CLVS1: variants seen among roughly 807,000 people sequenced by gnomAD.
The protein encoded by CLVS1 is clavesin-1.
Under a neutral mutation model 33.1 loss-of-function variants are expected in CLVS1, and 10 were observed. That is an observed-to-expected ratio of 0.30 (90% confidence interval 0.19 to 0.51). The LOEUF (loss-of-function observed/expected upper bound fraction) is 0.51. Among genes scored for constraint, CLVS1 ranks in the 20% least tolerant of loss-of-function variants. The pLI is 0.97. For missense variants in CLVS1, 343 were observed against 433.4 expected, an observed-to-expected ratio of 0.79 and a Z score of 1.85; for synonymous variants, 163 against 166.1, an observed-to-expected ratio of 0.98 and a Z score of 0.14.
chr8:61,276,989 T>A (rs1194249499), intron 2 of CLVS1, among the ~76,000 whole-genome samples: 1 of 152,210 alleles, frequency 6.6e-6, no homozygotes, highest in Non-Finnish European at 1.5e-5. Context: ...TAACACCTCT[T>A]GATGTTTAGG....
At chr8:61,388,645 CTT>C (rs1814179975) in intron 3 of CLVS1, among the ~76,000 whole-genome samples, 3 of 151,738 alleles carry the variant, frequency 2.0e-5, no homozygotes, top group Admixed American at 2.0e-4. Context: ...TATTTTTTAA[CTT>C]GACACATAGT....
intron 2 of CLVS1, among the ~76,000 whole-genome samples, chr8:61,138,582 C>T (rs186117852): frequency 1.9e-4 from 24 of 128,090 alleles, no homozygotes; most frequent in Admixed American, 9.3e-4. Flanking sequence ...GAAGGGGAGA[C>T]GGGGGGCAGG....
chr8:61,362,836 A>C (rs932361943), intron 2 of CLVS1, among the ~76,000 whole-genome samples: 1 of 152,214 alleles, frequency 6.6e-6, no homozygotes, highest in Non-Finnish European at 1.5e-5. Flanking sequence ...TGCTGCAGTC[A>C]GCAATTACTT....
chr8:61,066,832 A>C (rs1804690691), intron 1 of CLVS1, among the ~76,000 whole-genome samples: 1 of 152,250 alleles, frequency 6.6e-6, no homozygotes, highest in Non-Finnish European at 1.5e-5. Context: ...TTCCTGCCAA[A>C]TTAGCCAGAA....
intron 3 of CLVS1, among the ~76,000 whole-genome samples, chr8:61,407,960 G>C (rs146737300): frequency 2.0e-5 from 3 of 152,120 alleles, no homozygotes; most frequent in Non-Finnish European, 4.4e-5. Context: ...CATTTGCTAA[G>C]TTTTGTGTAC....
intron 3 of CLVS1, among the ~76,000 whole-genome samples, chr8:61,392,227 G>A (rs1814330940): frequency 6.6e-6 from 1 of 152,022 alleles, no homozygotes; most frequent in Non-Finnish European, 1.5e-5. Flanking sequence ...AGCTACTCAG[G>A]AGACTGAAGC....
At chr8:61,376,805 A>C in intron 3 of CLVS1, 26 bp downstream of exon 3, 2 of 1,573,376 alleles carry the variant, frequency 1.3e-6, no homozygotes, top group Non-Finnish European at 1.7e-6. Flanking sequence ...GCGCAATACA[A>C]GACCATGTGT....
rs1470730649 is a variant in CLVS1 at position 61,242,122 on chromosome 8, C to T, written c.-151-57555C>T. On this transcript the variant is annotated intron_variant, in intron 2 of 2. Transcript: ENST00000522621. ...GCAGTTTAGCTATGATATGATCAGG[C>T]ATGGTTTTCTTCAAATATAATCTTG... Among the ~76,000 whole-genome samples, 4 of 152,024 alleles carry T rather than the reference C, an allele frequency of 2.6e-5. No individual in the cohort carries two copies. In the East Asian group the frequency reaches 7.7e-4, roughly 29 times the overall value.
chr8:61,193,383 G>C (rs923560955), intron 2 of CLVS1, among the ~76,000 whole-genome samples: 7 of 152,026 alleles, frequency 4.6e-5, no homozygotes, highest in Non-Finnish European at 8.8e-5. Flanking sequence ...GGCGGGGAGA[G>C]GGGGAGGGAT....
the CLVS1 span, among the ~76,000 whole-genome samples, chr8:60,977,396 G>A: frequency 6.6e-5 from 10 of 152,174 alleles, no homozygotes; most frequent in African/African-American, 2.4e-4. Flanking sequence ...TAAATCGACA[G>A]TCTTAAATAT....
intron 2 of CLVS1, among the ~76,000 whole-genome samples, chr8:61,182,347 A>G (rs575485402): frequency 6.6e-6 from 1 of 152,352 alleles, no homozygotes; most frequent in Non-Finnish European, 1.5e-5. Context: ...TAATTAAACT[A>G]AAGAGCTTCT....
intron 2 of CLVS1, among the ~76,000 whole-genome samples, chr8:61,184,809 C>T (rs1807310254): frequency 6.6e-6 from 1 of 152,038 alleles, no homozygotes; most frequent in Non-Finnish European, 1.5e-5. Flanking sequence ...TAAATAGATC[C>T]CTAGAGGAGT....
At chr8:61,469,029 CGAA>C (rs1198873622) in intron 5 of CLVS1, among the ~76,000 whole-genome samples, 1 of 152,132 alleles carries the variant, frequency 6.6e-6, no homozygotes, top group South Asian at 2.1e-4. Flanking sequence ...GGAGTGACCT[CGAA>C]GAATCATGCA....
the CLVS1 span, among the ~76,000 whole-genome samples, chr8:61,004,740 G>A: frequency 1.3e-5 from 2 of 152,168 alleles, no homozygotes; most frequent in South Asian, 2.1e-4. Context: ...GGATGCACCC[G>A]TAACGCACCC....
At chr8:61,326,137 C>T (rs532609870) in intron 2 of CLVS1, among the ~76,000 whole-genome samples, 1 of 152,152 alleles carries the variant, frequency 6.6e-6, no homozygotes, top group East Asian at 1.9e-4. Flanking sequence ...CCTTCATTTG[C>T]AACACAGAAC....
chr8:61,410,095 T>TTTTTC (rs1425165953), intron 3 of CLVS1, among the ~76,000 whole-genome samples: 2 of 123,842 alleles, frequency 1.6e-5, no homozygotes, highest in African/African-American at 5.7e-5. Context: ...TCTTTGTTTT[T>TTTTTC]GCTAGGTAAA....
intron 2 of CLVS1, among the ~76,000 whole-genome samples, chr8:61,357,497 T>TC (rs1812779622): frequency 1.1e-5 from 1 of 92,724 alleles, no homozygotes; most frequent in Non-Finnish European, 2.1e-5. Context: ...TTCTTTTCTT[T>TC]TTTTTTTTTT....
At chr8:61,302,543 T>C (rs1382471314) in intron 2 of CLVS1, among the ~76,000 whole-genome samples, 1 of 152,174 alleles carries the variant, frequency 6.6e-6, no homozygotes, top group Non-Finnish European at 1.5e-5. Flanking sequence ...GATGGCTCAC[T>C]CCAACTGCAA....
chr8:61,023,308 C>T, the CLVS1 span, among the ~76,000 whole-genome samples: 2 of 152,172 alleles, frequency 1.3e-5, no homozygotes, highest in African/African-American at 4.8e-5. Context: ...AATAGATTTT[C>T]CCTGCCTTTC....
Sources: allele counts gnomAD v4.1 joint callset (sites outside exome capture counted in the v4.1 genomes callset), GRCh38; gene constraint gnomAD v4.1.1; transcripts MANE v1.5; gene names NCBI Gene and HGNC (gene_info 2026-07-23, HGNC 2026-07-21).